Variants in CGNL1 observed in about 807,000 individuals in gnomAD.
CGNL1 encodes cingulin-like protein 1.
CGNL1 carries 132 observed loss-of-function variants against 141.2 expected under a neutral mutation model. The ratio of observed to expected loss-of-function variants is 0.93; its 90% confidence interval spans 0.81 to 1.08. The LOEUF (loss-of-function observed/expected upper bound fraction) is 1.08. Ranked by LOEUF, CGNL1 falls within the 50% of genes least tolerant of loss-of-function variation. The pLI, the probability that CGNL1 is intolerant of heterozygous loss-of-function variation, is 0.00. For missense variants in CGNL1, 1,870 were observed against 1,588.6 expected (o/e 1.18, Z -3.01); for synonymous variants, 690 against 622.1 (o/e 1.11, Z -1.63).
At chr15:57,451,849 G>T (rs1567126790) in intron 5 of CGNL1, among the ~76,000 whole-genome samples, 1 of 152,054 alleles carries the variant, frequency 6.6e-6, no homozygotes, top group Admixed American at 6.5e-5. Context: ...TTGGATTTAG[G>T]CAGGCCAATG....
In CGNL1 at chr15:57,453,280, G is replaced by C. The variant is rs545430934; in HGVS notation, c.2055-403G>C. ...AGGCAGTGGGCTGAACTGGCCCACA[G>C]ACCATAATTTGCCAACTCTCCTGGT... On this transcript the variant is annotated intron_variant, in intron 6 of 18. Transcript: ENST00000281282. Among the ~76,000 whole-genome samples the C allele has an allele frequency of 2.6e-5, 4 of 152,308 alleles. No homozygotes were observed. In the South Asian group the frequency reaches 8.3e-4, roughly 32 times the overall value.
rs1318083754 is a variant in CGNL1 at position 57,431,518 on chromosome 15, T to C, written c.-15-6467T>C. On this transcript the variant is annotated intron_variant, in intron 1 of 18. Transcript: ENST00000281282. ...GCTTTCCACACCCTGATCTTTCAATTTCATCTGGTTGAGGTTCTAGTGTGA... is the reference window on the plus strand; with the variant it reads ...GCTTTCCACACCCTGATCTTTCAATCTCATCTGGTTGAGGTTCTAGTGTGA... Among the ~76,000 whole-genome samples, 3 of 152,176 alleles carry C rather than the reference T, an allele frequency of 2.0e-5. No homozygotes were observed. The East Asian group carries it at 5.8e-4, about 29-fold the overall frequency.
At chr15:57,471,370 G>A (rs1238767608) in intron 8 of CGNL1, among the ~76,000 whole-genome samples, 2 of 152,206 alleles carry the variant, frequency 1.3e-5, no homozygotes, top group East Asian at 3.8e-4. Context: ...ACATGGAGAG[G>A]TAGGACACTG....
chr15:57,405,336 C>T (rs2062703904), intron 1 of CGNL1, among the ~76,000 whole-genome samples: 1 of 152,208 alleles, frequency 6.6e-6, no homozygotes, highest in African/African-American at 2.4e-5. Context: ...CTATCTCACA[C>T]TCTGACTCGG....
At chr15:57,475,749 G>C (rs1036946912) in intron 8 of CGNL1, among the ~76,000 whole-genome samples, 1 of 152,010 alleles carries the variant, frequency 6.6e-6, no homozygotes, top group African/African-American at 2.4e-5. Flanking sequence ...TCTCTCACTG[G>C]ATTCTCTGCG....
chr15:57,392,737 A>C (rs2060840810), intron 1 of CGNL1, among the ~76,000 whole-genome samples: 1 of 152,224 alleles, frequency 6.6e-6, no homozygotes, highest in Non-Finnish European at 1.5e-5. Flanking sequence ...GAGCAAAGGC[A>C]AGAAACCACC....
chr15:57,513,550 C>T (rs1296035545), intron 8 of CGNL1, among the ~76,000 whole-genome samples: 1 of 151,974 alleles, frequency 6.6e-6, no homozygotes, highest in Non-Finnish European at 1.5e-5. Context: ...GATGGAGTCT[C>T]ACTCTTGTCG....
intron 1 of CGNL1, among the ~76,000 whole-genome samples, chr15:57,383,017 C>T (rs567740921): frequency 6.6e-6 from 1 of 152,162 alleles, no homozygotes; most frequent in Admixed American, 6.6e-5. Flanking sequence ...TTTGATTCCC[C>T]ACCTTTTTTG....
chr15:57,405,749 T>TTTC (rs10676149), intron 1 of CGNL1, among the ~76,000 whole-genome samples: 148,227 of 150,022 alleles, frequency 0.99, 73,218 homozygotes, highest in East Asian at 1. Flanking sequence ...TTTCTTTTCC[T>TTTC]TTTTCTTTTT....
At chr15:57,540,665 G>T (rs566538416) in intron 14 of CGNL1, among the ~76,000 whole-genome samples, 1 of 152,288 alleles carries the variant, frequency 6.6e-6, no homozygotes, top group South Asian at 2.1e-4. Context: ...AATCTGGGCA[G>T]TCACCCAGTG....
chr15:57,510,339 G>A (rs2030169525), intron 8 of CGNL1, among the ~76,000 whole-genome samples: 2 of 152,360 alleles, frequency 1.3e-5, no homozygotes, highest in Non-Finnish European at 2.9e-5. Flanking sequence ...CAGGTCCAGT[G>A]GAAGGCCCAG....
chr15:57,465,376 A>G (rs1408168539), intron 8 of CGNL1, among the ~76,000 whole-genome samples: 1 of 148,086 alleles, frequency 6.8e-6, no homozygotes, highest in Non-Finnish European at 1.5e-5. Flanking sequence ...CTATGGCTAA[A>G]AACTGACTTT....
In CGNL1 at chr15:57,516,895, A is replaced by C; in HGVS notation, c.2519A>C (p.Glu840Ala). The change falls in exon 9 of 19, where the codon GAG becomes GCG. Residue 840 changes from glutamate (E) to alanine (A), a missense_variant. Glu to Ala is a moderately radical substitution (Grantham distance 107). Transcript: ENST00000281282. ...GAGAAGCTGCAGGGAAGAAGCGAAG[A>C]GCTGGAGCGGAGAGTTGCTCAGCTT... ...ENEKLQGRSE[E>A]LERRVAQLQR... 6.2e-7 allele frequency: 1 copy of C among 1,613,526 alleles called. No individual in the cohort carries two copies. The highest frequency in any genetic ancestry group is 1.3e-5 in the African/African-American group (1 of 74,472).
chr15:57,501,347 C>T (rs1053425517), intron 8 of CGNL1, among the ~76,000 whole-genome samples: 5 of 152,206 alleles, frequency 3.3e-5, no homozygotes, highest in African/African-American at 4.8e-5. Flanking sequence ...CCTCCCTCAG[C>T]GGGAAGCCGA....
chr15:57,493,763 G>A (rs1468424598), intron 8 of CGNL1, among the ~76,000 whole-genome samples: 11 of 152,182 alleles, frequency 7.2e-5, no homozygotes, highest in African/African-American at 2.7e-4. Context: ...TAGTGAGATT[G>A]CATATTCTCA....
intron 1 of CGNL1, among the ~76,000 whole-genome samples, chr15:57,405,514 T>A (rs185787113): frequency 1.3e-5 from 2 of 152,344 alleles, no homozygotes; most frequent in Admixed American, 6.5e-5. Flanking sequence ...TTCTGTGACA[T>A]CCTTTGATCT....
chr15:57,521,767 G>C (rs1463191242), intron 10 of CGNL1, among the ~76,000 whole-genome samples: 3 of 152,058 alleles, frequency 2.0e-5, no homozygotes, highest in Non-Finnish European at 4.4e-5. Context: ...GAACCACATG[G>C]AGGCTGAGTA....
intron 8 of CGNL1, among the ~76,000 whole-genome samples, chr15:57,515,545 A>G (rs2030703756): frequency 6.6e-6 from 1 of 152,162 alleles, no homozygotes; most frequent in Non-Finnish European, 1.5e-5. Flanking sequence ...TGTAGGCATG[A>G]GATTTGCTGA....
At chr15:57,502,376 G>A (rs927711249) in intron 8 of CGNL1, among the ~76,000 whole-genome samples, 9 of 152,172 alleles carry the variant, frequency 5.9e-5, no homozygotes, top group South Asian at 2.1e-4. Flanking sequence ...TCCAGCTCCC[G>A]GGGCAGAGGC....
Sources: allele counts gnomAD v4.1 joint callset (sites outside exome capture counted in the v4.1 genomes callset), GRCh38; gene constraint gnomAD v4.1.1; transcripts MANE v1.5; gene names NCBI Gene and HGNC (gene_info 2026-07-23, HGNC 2026-07-21).